Variants in SORL1 observed in about 807,000 individuals in gnomAD.
SORL1 encodes the protein sortilin-related receptor.
SORL1 carries 127 observed loss-of-function variants against 273.7 expected under a neutral mutation model. The ratio of observed to expected loss-of-function variants is 0.46; its 90% confidence interval spans 0.40 to 0.54. The LOEUF (loss-of-function observed/expected upper bound fraction) is 0.54. Among genes scored for constraint, SORL1 ranks in the 20% least tolerant of loss-of-function variants. The pLI is 0.00. For missense variants in SORL1, 2,494 were observed against 2,846.1 expected (o/e 0.88, Z 2.81); for synonymous variants, 1,031 against 1,067.4 (o/e 0.97, Z 0.66).
chr11:121,594,429 A>T (rs528695235), intron 31 of SORL1, among the ~76,000 whole-genome samples: 6 of 151,698 alleles, frequency 4.0e-5, no homozygotes, highest in Non-Finnish European at 8.8e-5. Flanking sequence ...ATAGTTTTGA[A>T]AATTCCCTTC....
At chr11:121,486,289 G>A (rs767691069) in intron 3 of SORL1, among the ~76,000 whole-genome samples, 7 of 152,076 alleles carry the variant, frequency 4.6e-5, no homozygotes, top group African/African-American at 4.8e-5. Flanking sequence ...GTGTGCATGC[G>A]AGGCCTTACA....
At chr11:121,626,184 A>AT (rs1424869366) in intron 46 of SORL1, 1 of 152,232 alleles carries the variant, frequency 6.6e-6, no homozygotes, top group Non-Finnish European at 1.5e-5. Flanking sequence ...CCTGTGAAAT[A>AT]TGCTTTGGGA....
At chr11:121,577,740 C>T (rs2134938120) in intron 25 of SORL1, among the ~76,000 whole-genome samples, 2 of 152,300 alleles carry the variant, frequency 1.3e-5, no homozygotes, top group East Asian at 3.9e-4. Context: ...TGAACTAGCT[C>T]ATGTTTTTTA....
Position 121,596,410 on chromosome 11 carries a change from C to T in SORL1, c.4519+638C>T, listed in dbSNP as rs1863295650. 6.6e-6 allele frequency among the ~76,000 whole-genome samples: 1 copy of T among 152,226 alleles called. No individual in the cohort carries two copies. Among genetic ancestry groups the T allele is most frequent in the South Asian group, 2.1e-4 (1 of 4,832 alleles). ...TGATGGAGGGAGACACTGGCTTCTGCAAGCGTTTATCCTCATGTGACCAGT... is the reference window on the plus strand; with the variant it reads ...TGATGGAGGGAGACACTGGCTTCTGTAAGCGTTTATCCTCATGTGACCAGT... On this transcript the variant is annotated intron_variant, in intron 32 of 47. Coordinates refer to ENST00000260197, the MANE Select transcript of SORL1 (RefSeq NM_003105.6). The surrounding 1 kb of genome is among the most constrained non-coding windows in gnomAD (Gnocchi z 4.3).
At chr11:121,461,340 A>G (rs563929629) in intron 1 of SORL1, among the ~76,000 whole-genome samples, 1 of 152,204 alleles carries the variant, frequency 6.6e-6, no homozygotes, top group East Asian at 1.9e-4. Flanking sequence ...GTGGATGTGG[A>G]AAGTTGGTTA....
intron 1 of SORL1, among the ~76,000 whole-genome samples, chr11:121,456,808 G>T (rs1860912992): frequency 6.6e-6 from 1 of 152,146 alleles, no homozygotes; most frequent in Non-Finnish European, 1.5e-5. Flanking sequence ...CCTGATTTGA[G>T]ACTGAAAATA....
chr11:121,514,759 G>A (rs1012365731), intron 8 of SORL1, among the ~76,000 whole-genome samples: 23 of 152,240 alleles, frequency 1.5e-4, no homozygotes, highest in Middle Eastern at 3.4e-3. Context: ...ATAATCGGAC[G>A]GTGTTTTGTA....
At chr11:121,491,448 T>C (rs954963496) in intron 5 of SORL1, among the ~76,000 whole-genome samples, 1 of 152,124 alleles carries the variant, frequency 6.6e-6, no homozygotes, top group Non-Finnish European at 1.5e-5. Flanking sequence ...GTATGCTGGG[T>C]CAGTGGGTTT....
At position 121,545,564 on chromosome 11, in the gene SORL1, T is replaced by A. The variant is rs973225392; in HGVS notation, c.2051+135T>A. On this transcript the variant is annotated intron_variant, in intron 14 of 47. Coordinates refer to ENST00000260197, the MANE Select transcript of SORL1 (RefSeq NM_003105.6). ...AGGAAACAAGTATTTGTGAAGCATCTTTTATGTGCCAGGAACTGTGCTAAG... is the reference window on the plus strand; with the variant it reads ...AGGAAACAAGTATTTGTGAAGCATCATTTATGTGCCAGGAACTGTGCTAAG... 34 of 801,388 alleles carry A rather than the reference T, an allele frequency of 4.2e-5. No individual in the cohort carries two copies. In the African/African-American group the frequency reaches 5.3e-4, roughly 13 times the overall value. 49.6% of individuals were successfully genotyped at this position (801,388 alleles called of 1,614,324 possible).
chr11:121,621,657 G>T (rs967364845), intron 44 of SORL1, among the ~76,000 whole-genome samples: 1 of 152,224 alleles, frequency 6.6e-6, no homozygotes, highest in Non-Finnish European at 1.5e-5. Context: ...CCCACAGCTG[G>T]GCAGTAGATC....
chr11:121,511,131 A>G (rs181068925), intron 6 of SORL1, among the ~76,000 whole-genome samples: 72 of 152,250 alleles, frequency 4.7e-4, no homozygotes, highest in Middle Eastern at 6.8e-3. Context: ...TGAATTGTCC[A>G]GGTTTAGGAA....
chr11:121,480,292 T>C (rs1409712378), intron 3 of SORL1, among the ~76,000 whole-genome samples: 1 of 152,146 alleles, frequency 6.6e-6, no homozygotes, highest in Non-Finnish European at 1.5e-5. Context: ...TAAATACATA[T>C]AATAGTATGT....
intron 23 of SORL1, among the ~76,000 whole-genome samples, chr11:121,572,496 C>A (rs1862858915): frequency 1.3e-5 from 2 of 152,044 alleles, no homozygotes; most frequent in African/African-American, 4.8e-5. Flanking sequence ...AGAGGAGGAA[C>A]CAGAAGGATT....
At chr11:121,481,301 C>T (rs1413209626) in intron 3 of SORL1, among the ~76,000 whole-genome samples, 1 of 126,780 alleles carries the variant, frequency 7.9e-6, no homozygotes, top group Non-Finnish European at 1.7e-5. Context: ...GCTCCATCTC[C>T]TCCTCCCCAG....
intron 31 of SORL1, among the ~76,000 whole-genome samples, chr11:121,592,634 T>G (rs182173783): frequency 3.9e-5 from 6 of 152,322 alleles, no homozygotes; most frequent in Admixed American, 3.3e-4. Context: ...TCCATAGCCA[T>G]TGTGTGGACT....
intron 38 of SORL1, 35 bp from the exon 39 acceptor site, chr11:121,611,041 G>T: frequency 6.9e-7 from 1 of 1,458,122 alleles, no homozygotes; most frequent in African/African-American, 1.4e-5. Flanking sequence ...TTTTCATCAC[G>T]TGGCTTCTGT....
intron 5 of SORL1, 103 bp from the exon 6 acceptor site, chr11:121,496,766 C>T: frequency 1.1e-6 from 1 of 893,946 alleles, no homozygotes; most frequent in East Asian, 2.6e-5. Context: ...TGGGTCACAC[C>T]ATGGTAGGCC....
chr11:121,528,169 C>T (rs935285483), intron 11 of SORL1, among the ~76,000 whole-genome samples: 3 of 152,078 alleles, frequency 2.0e-5, no homozygotes, highest in Non-Finnish European at 4.4e-5. Flanking sequence ...TAATGTCCCC[C>T]TTTAAAACTG....
rs150602733 is a variant in SORL1, at chr11:121,532,417, C to T, written c.1597-47C>T. On this transcript the variant is annotated intron_variant, in intron 11 of 47. Coordinates refer to ENST00000260197, the MANE Select transcript of SORL1 (RefSeq NM_003105.6). ...TGGGCATGTGTACATGGTTTCTGCACAATTACCTCCACAGCAGTGGTGTCA... is the reference window on the plus strand; with the variant it reads ...TGGGCATGTGTACATGGTTTCTGCATAATTACCTCCACAGCAGTGGTGTCA... 5.1e-4 allele frequency: 798 copies of T among 1,568,610 alleles called. 4 individuals carry two copies. The African/African-American group carries it at 9.4e-3, about 18-fold the overall frequency.
Sources: gnomAD v4.1 joint callset for allele counts (sites outside exome capture counted in the v4.1 genomes callset) on GRCh38, gnomAD v4.1.1 for gene constraint, Gnocchi (gnomAD v3.1) non-coding constraint, MANE v1.5 for transcripts, NCBI Gene and HGNC (gene_info 2026-07-23, HGNC 2026-07-21) for gene names.